NUAK1: variants seen among roughly 807,000 people sequenced by gnomAD.
The protein encoded by NUAK1 is NUAK family SNF1-like kinase 1.
NUAK1 carries 26 observed loss-of-function variants against 56.9 expected under a neutral mutation model. The ratio of observed to expected loss-of-function variants is 0.46; its 90% CI spans 0.33 to 0.63. The LOEUF (loss-of-function observed/expected upper bound fraction) is 0.63. Among genes scored for constraint, NUAK1 ranks in the 30% least tolerant of loss-of-function variants. The pLI is 0.02. For missense variants in NUAK1, 727 were observed against 876.1 expected, an observed-to-expected ratio of 0.83 and a Z score of 2.15; for synonymous variants, 337 against 336.0, an observed-to-expected ratio of 1.00 and a Z score of -0.03.
chr12:106,066,667 C>T lies in NUAK1; in HGVS notation c.*135G>A. The T allele has an allele frequency of 1.3e-6, 1 of 773,824 alleles. No individual in the cohort carries two copies. The highest frequency in any genetic ancestry group is 2.1e-6 in the Non-Finnish European group (1 of 471,348). 47.9% of individuals were successfully genotyped at this position (773,824 alleles called of 1,614,324 possible). On this transcript the variant is annotated 3_prime_UTR_variant, in exon 7 of 7. Coordinates refer to ENST00000261402, the MANE Select transcript of NUAK1 (RefSeq NM_014840.3). ...TTAGGTGTTGGCTCAAGGCTGCAAA[C>T]TTGGCCAAGTGAGACAGTGCCAATC...
At chr12:106,123,390 C>T (rs1265525308) in intron 1 of NUAK1, among the ~76,000 whole-genome samples, 1 of 152,194 alleles carries the variant, frequency 6.6e-6, no homozygotes, top group Non-Finnish European at 1.5e-5. Context: ...CATGGGGCTA[C>T]TGGGCACTTG....
At chr12:106,096,730 TGACCGCCGCCA>T (rs1425444743) in intron 2 of NUAK1, among the ~76,000 whole-genome samples, 1 of 152,198 alleles carries the variant, frequency 6.6e-6, no homozygotes, top group Non-Finnish European at 1.5e-5. Context: ...TGCTCACTGG[TGACCGCCGCCA>T]GACACACGTT....
chr12:106,086,702 C>G, intron 3 of NUAK1, 32 bp downstream of exon 3: 2 of 1,583,944 alleles, frequency 1.3e-6, no homozygotes, highest in Non-Finnish European at 8.6e-7. Context: ...AAACCATCTA[C>G]GGCCAAAGCT....
chr12:106,121,752 GA>G (rs1008689182), intron 1 of NUAK1, among the ~76,000 whole-genome samples: 17 of 148,180 alleles, frequency 1.1e-4, no homozygotes, highest in South Asian at 4.5e-4. Context: ...CCTGTCTCGG[GA>G]AAAAAAAAGG....
Position 106,083,845 on chromosome 12 carries a change from G to A in NUAK1, c.579+19C>T, listed in dbSNP as rs780765473. The A allele has an allele frequency of 3.7e-6, 6 of 1,612,578 alleles. No homozygotes were observed. The highest frequency in any genetic ancestry group is 4.5e-5 in the East Asian group (2 of 44,870). ...AAGACCCAGGCCCTGCATATCAATCGACGACGCAAGGGCTTTACCTTAATA... is the reference window on the plus strand; with the variant it reads ...AAGACCCAGGCCCTGCATATCAATCAACGACGCAAGGGCTTTACCTTAATA... On this transcript the variant is annotated intron_variant, in intron 4 of 6. Transcript: ENST00000261402.
At chr12:106,072,154 T>C (rs958656485) in intron 5 of NUAK1, among the ~76,000 whole-genome samples, 6 of 152,230 alleles carry the variant, frequency 3.9e-5, no homozygotes, top group African/African-American at 1.4e-4. Context: ...CTGCCAAAAA[T>C]ATATACAAAA....
chr12:106,090,994 C>T (rs1184985512), intron 2 of NUAK1, among the ~76,000 whole-genome samples: 2 of 152,170 alleles, frequency 1.3e-5, no homozygotes, highest in African/African-American at 2.4e-5. Flanking sequence ...TGAGCAGCTT[C>T]CACACCCTTG....
At chr12:106,076,778 T>A (rs1304613472) in intron 4 of NUAK1, among the ~76,000 whole-genome samples, 25 of 152,150 alleles carry the variant, frequency 1.6e-4, no homozygotes, top group Admixed American at 1.6e-3. Context: ...TATGATTCCA[T>A]GTACATGAGG....
At chr12:106,107,991 C>T (rs907534843) in intron 1 of NUAK1, among the ~76,000 whole-genome samples, 11 of 152,118 alleles carry the variant, frequency 7.2e-5, no homozygotes, top group Non-Finnish European at 1.3e-4. Context: ...AACTTCCAGT[C>T]CTTAACACCA....
Position 106,099,519 on chromosome 12 carries a change from AG to A in NUAK1, c.361+6885del, listed in dbSNP as rs2032727631. ...TCAAGAACAATACTTCCCTCCAGTT[AG>A]GGGTCTCTGCAGACCACCAAATGAC... is the stretch of plus-strand genomic sequence containing the variant. On this transcript the variant is annotated intron_variant, in intron 2 of 6. Coordinates refer to ENST00000261402, the MANE Select transcript of NUAK1 (RefSeq NM_014840.3). Among the ~76,000 whole-genome samples, 3 of 152,300 alleles carry A rather than the reference AG, an allele frequency of 2.0e-5. No individual in the cohort carries two copies. In the South Asian group the frequency reaches 6.2e-4, roughly 32 times the overall value.
intron 1 of NUAK1, among the ~76,000 whole-genome samples, chr12:106,125,223 G>T (rs1174313464): frequency 1.3e-5 from 2 of 152,116 alleles, no homozygotes; most frequent in African/African-American, 2.4e-5. Context: ...ACAGCCATTT[G>T]ACAAATATTT....
At chr12:106,083,828 G>A (rs1212678416) in intron 4 of NUAK1, 36 bp downstream of exon 4, 1 of 1,591,412 alleles carries the variant, frequency 6.3e-7, no homozygotes, top group Admixed American at 1.7e-5. Flanking sequence ...GCAAGACCCA[G>A]GCCCTGCATA....
rs2033150653 is a variant in NUAK1, at chr12:106,138,427, A to C, written c.227T>G (p.Phe76Cys). ...YGKVKRATERFSGRVVAIKSI... is the reference protein window; with the variant it reads ...YGKVKRATERCSGRVVAIKSI... ...TGCCCCACTCACCACTCGGCCAGAA[A>C]ACCTCTCGGTGGCCCGCTTGACTTT... The change falls in exon 1 of 7, where the codon TTT (phenylalanine) becomes TGT (cysteine). Residue 76 changes from phenylalanine (F) to cysteine (C), a missense_variant. By Grantham distance (205) the Phe-to-Cys change is radical. Transcript: ENST00000261402. The surrounding 1 kb of genome is among the most constrained non-coding windows in gnomAD (Gnocchi z 5.0). 1 of 1,606,894 alleles carries C rather than the reference A, an allele frequency of 6.2e-7. No homozygotes were observed. Among genetic ancestry groups the C allele is most frequent in the African/African-American group, 1.4e-5 (1 of 73,608 alleles).
Position 106,067,914 on chromosome 12 carries a change from C to T in NUAK1, c.874G>A (p.Asp292Asn), listed in dbSNP as rs546010292. The T allele has an allele frequency of 8.7e-6, 14 of 1,613,224 alleles. No individual in the cohort carries two copies. Among genetic ancestry groups the T allele is most frequent in the South Asian group, 3.3e-5 (3 of 90,960 alleles). Reference protein sequence around the residue: ...LIRWMLMVNPDRRATIEDIAN... With the variant: ...LIRWMLMVNPNRRATIEDIAN... ...ATGTCCTCAATAGTGGCCCGGCGAT[C>T]GGGGTTCACCATCAGCATCCACCGT... Residue 292 changes from aspartate to asparagine, a missense_variant, in exon 7 of 7, where the codon GAT becomes AAT. Coordinates refer to ENST00000261402, the MANE Select transcript of NUAK1 (RefSeq NM_014840.3). This position sits in a 1 kb window ranked among gnomAD's most constrained non-coding sequence, Gnocchi z 6.0.
At chr12:106,095,589 C>G (rs375351931) in intron 2 of NUAK1, among the ~76,000 whole-genome samples, 1 of 152,174 alleles carries the variant, frequency 6.6e-6, no homozygotes, top group Admixed American at 6.5e-5. Context: ...CACACAGCAG[C>G]AAGTGTACGC....
rs2032329874 is a variant in NUAK1, at chr12:106,065,723, C to T, written c.*1079G>A. 6.6e-6 allele frequency: 1 copy of T among 152,646 alleles called. No homozygotes were observed. The highest frequency in any genetic ancestry group is 6.5e-5 in the Admixed American group (1 of 15,282). 9.5% of individuals were successfully genotyped at this position (152,646 alleles called of 1,614,324 possible). ...CAGGTAATCCTCTGGAGAATATGGA[C>T]AGTATCACGTCCAACTCAAAGCATC... On this transcript the variant is annotated 3_prime_UTR_variant, in exon 7 of 7. Coordinates refer to ENST00000261402, the MANE Select transcript of NUAK1 (RefSeq NM_014840.3).
At chr12:106,080,964 A>G (rs143795382) in intron 4 of NUAK1, among the ~76,000 whole-genome samples, 13 of 152,244 alleles carry the variant, frequency 8.5e-5, no homozygotes, top group African/African-American at 2.9e-4. Context: ...AATATGTTTC[A>G]GCAAAATGCT....
chr12:106,117,889 CTG>C (rs1458859228), intron 1 of NUAK1, among the ~76,000 whole-genome samples: 2 of 152,228 alleles, frequency 1.3e-5, no homozygotes, highest in South Asian at 4.1e-4. Flanking sequence ...GTGTTCCCCT[CTG>C]TGTCCTCAAT....
In NUAK1 at chr12:106,066,915, G is replaced by A. The variant is rs140935615; in HGVS notation, c.1873C>T (p.Leu625=). 14 of 1,614,158 alleles carry A rather than the reference G, an allele frequency of 8.7e-6. No homozygotes were observed. In the African/African-American group the frequency reaches 1.2e-4, roughly 14 times the overall value. ...GLQNRPRPQY[L]KRYRNRLADS... The stretch of plus-strand genomic sequence containing the variant: ...GCCAGCCGGTTCCGGTACCGCTTCA[G>A]GTACTGGGGCCGGGGCCGGTTCTGG... Residue 625 remains leucine (L), a synonymous_variant, in exon 7 of 7, where the codon CTG becomes TTG. Transcript: ENST00000261402.
Sources: gnomAD v4.1 joint callset for allele counts (sites outside exome capture counted in the v4.1 genomes callset) on GRCh38, gnomAD v4.1.1 for gene constraint, Gnocchi (gnomAD v3.1) non-coding constraint, MANE v1.5 for transcripts, NCBI Gene and HGNC (gene_info 2026-07-23, HGNC 2026-07-21) for gene names.